RIN3: variants seen among roughly 807,000 people sequenced by gnomAD.
The protein encoded by RIN3 is RAB5 interacting protein 3.
In RIN3, 54 loss-of-function variants were observed where a neutral mutation model predicts 76.3. That is an observed-to-expected ratio of 0.71 (90% CI 0.57 to 0.89). The LOEUF is 0.89. RIN3 is among the 40% of genes least tolerant of loss of function. RIN3 has a pLI of 0.00. For missense variants in RIN3, 1,256 were observed against 1,322.1 expected, an observed-to-expected ratio of 0.95 and a Z score of 0.78; for synonymous variants, 576 against 564.0, an observed-to-expected ratio of 1.02 and a Z score of -0.30.
rs1888963030 is a variant in RIN3 at position 92,688,404 on chromosome 14, C to G, written c.*152C>G. 1.4e-6 allele frequency: 1 copy of G among 732,644 alleles called. No homozygotes were observed. 45.4% of individuals were successfully genotyped at this position (732,644 alleles called of 1,614,324 possible). A position where few individuals can be genotyped will look rare whatever the true frequency, so the allele number is the denominator to read the frequency against. On this transcript the variant is annotated 3_prime_UTR_variant, in exon 10 of 10. Transcript: ENST00000216487. ...CGTCGCAGGACAGTTGTGAAAATAA[C>G]ATGACGCTCGTCCAAGGCCACTTCC...
chr14:92,604,909 C>CTTTT (rs148326639), intron 3 of RIN3, among the ~76,000 whole-genome samples: 60 of 90,066 alleles, frequency 6.7e-4, no homozygotes, highest in East Asian at 1.4e-3. Flanking sequence ...CCATTTTCCT[C>CTTTT]TTTTTTTTTT....
chr14:92,583,570 A>C (rs1439533521), intron 3 of RIN3, among the ~76,000 whole-genome samples: 9 of 152,272 alleles, frequency 5.9e-5, no homozygotes, highest in Non-Finnish European at 1.5e-5. Flanking sequence ...AAAAAAGATG[A>C]AAAATAACAA....
chr14:92,553,558 C>T (rs1446627175), intron 1 of RIN3, among the ~76,000 whole-genome samples: 2 of 152,068 alleles, frequency 1.3e-5, no homozygotes, highest in African/African-American at 4.8e-5. Context: ...CCCCCACCAG[C>T]CCCAGGATTC....
Position 92,555,619 on chromosome 14 carries a change from T to C in RIN3, c.45-132T>C, listed in dbSNP as rs553899777. The C allele has an allele frequency of 2.1e-4, 177 of 835,000 alleles. 1 individual carries two copies. In the African/African-American group the frequency reaches 2.4e-3, roughly 11 times the overall value. 51.7% of individuals were successfully genotyped at this position (835,000 alleles called of 1,614,324 possible). A position where few individuals can be genotyped will look rare whatever the true frequency, so the allele number is the denominator to read the frequency against. On this transcript the variant is annotated intron_variant, in intron 1 of 9. Transcript: ENST00000216487. ...ATGAAGACCATGGTTTGTTGATTTT[T>C]TTTTAATTCCCCAAAGGGCCACTGA... is the stretch of plus-strand genomic sequence containing the variant.
At chr14:92,515,800 CTG>C (rs1896426164) in intron 1 of RIN3, among the ~76,000 whole-genome samples, 1 of 152,244 alleles carries the variant, frequency 6.6e-6, no homozygotes, top group African/African-American at 2.4e-5. Context: ...CTGCTTAGAA[CTG>C]TGCTTGGTAC....
intron 4 of RIN3, among the ~76,000 whole-genome samples, chr14:92,626,205 TG>T (rs1886346566): frequency 6.6e-6 from 1 of 152,190 alleles, no homozygotes; most frequent in African/African-American, 2.4e-5. Context: ...ATTATCCCAT[TG>T]AGGATCTTGG....
rs551049463 is a variant in RIN3 at position 92,552,316 on chromosome 14, G to C, written c.45-3435G>C. Reference sequence around the variant, plus strand: ...GGATGCAGGTGGGGCTGCCGGGCTGGGAAGCAGGTTTATCTCTGTGGATTC... The same window carrying C: ...GGATGCAGGTGGGGCTGCCGGGCTGCGAAGCAGGTTTATCTCTGTGGATTC... On this transcript the variant is annotated intron_variant, in intron 1 of 9. Coordinates refer to ENST00000216487, the MANE Select transcript of RIN3 (RefSeq NM_024832.5). 3.2e-3 allele frequency among the ~76,000 whole-genome samples: 491 copies of C among 152,320 alleles called. 1 individual carries two copies. The highest frequency in any genetic ancestry group is 5.0e-3 in the Non-Finnish European group (339 of 68,020).
At chr14:92,680,350 C>T (rs2140173959) in intron 8 of RIN3, among the ~76,000 whole-genome samples, 1 of 152,230 alleles carries the variant, frequency 6.6e-6, no homozygotes, top group South Asian at 2.1e-4. Flanking sequence ...CAGGCCTGCG[C>T]CATCACACCT....
At chr14:92,552,509 C>T (rs1289238686) in intron 1 of RIN3, among the ~76,000 whole-genome samples, 3 of 152,152 alleles carry the variant, frequency 2.0e-5, no homozygotes, top group African/African-American at 7.2e-5. Context: ...CTCCCTGTGG[C>T]TCCAGATGCT....
At chr14:92,537,963 A>G (rs902326184) in intron 1 of RIN3, among the ~76,000 whole-genome samples, 1 of 151,928 alleles carries the variant, frequency 6.6e-6, no homozygotes, top group Admixed American at 6.6e-5. Context: ...CAGCCCCCCA[A>G]GTAGCTGGGA....
At chr14:92,644,759 G>C (rs1413505580) in intron 5 of RIN3, 1 of 152,218 alleles carries the variant, frequency 6.6e-6, no homozygotes, top group East Asian at 1.9e-4. Flanking sequence ...GGAGACCCAG[G>C]GCGCAAGGAG....
chr14:92,521,029 C>T (rs976597929), intron 1 of RIN3, among the ~76,000 whole-genome samples: 13 of 152,156 alleles, frequency 8.5e-5, no homozygotes, highest in Non-Finnish European at 1.5e-4. Context: ...GGACTCTTCT[C>T]GCAATGGATA....
At position 92,632,165 on chromosome 14, in the gene RIN3, T is replaced by A. The variant is rs555961841; in HGVS notation, c.441-9073T>A. On this transcript the variant is annotated intron_variant, in intron 4 of 9. Transcript: ENST00000216487. ...ACCTGGGGCCACTCCTAGGCATGTGTGAGGCTCCAGCACCAGGACAATCCC... is the reference window on the plus strand; with the variant it reads ...ACCTGGGGCCACTCCTAGGCATGTGAGAGGCTCCAGCACCAGGACAATCCC... Among the ~76,000 whole-genome samples the A allele has an allele frequency of 2.6e-5, 4 of 152,240 alleles. No homozygotes were observed. The East Asian group carries it at 7.7e-4, about 29-fold the overall frequency.
rs60914338 is a variant in RIN3 at position 92,621,784 on chromosome 14, A to G, written c.440+6305A>G. The stretch of plus-strand genomic sequence containing the variant: ...TTCTGCCAGTTTTGGTAGACAACAT[A>G]TAACAGTAAGTGTACATACAAATAA... On this transcript the variant is annotated intron_variant, in intron 4 of 9. Transcript: ENST00000216487. Among the ~76,000 whole-genome samples, 788 of 152,364 alleles carry G rather than the reference A, an allele frequency of 5.2e-3. 8 individuals are homozygous for G. The highest frequency in any genetic ancestry group is 0.018 in the African/African-American group (755 of 41,584).
At chr14:92,676,641 C>T in intron 8 of RIN3, 35 bp downstream of exon 8, 2 of 1,605,248 alleles carry the variant, frequency 1.2e-6, no homozygotes, top group Non-Finnish European at 8.5e-7. Flanking sequence ...AGGTGCATTG[C>T]ACACCCCCAA....
At position 92,688,301 on chromosome 14, in the gene RIN3, G is replaced by A. The variant is rs759692898; in HGVS notation, c.*49G>A. 2.7e-5 allele frequency: 39 copies of A among 1,461,430 alleles called. No individual in the cohort carries two copies. The highest frequency in any genetic ancestry group is 3.4e-5 in the Non-Finnish European group (37 of 1,102,994). The allele number at this position is 1,461,430 out of a possible 1,614,324, so 90.5% of individuals were successfully genotyped here. ...CACCCCCAGGCGCACGTCTGGCCCC[G>A]CCTCTGGCTGCGCACTCCCGACCGC... On this transcript the variant is annotated 3_prime_UTR_variant, in exon 10 of 10. Coordinates refer to ENST00000216487, the MANE Select transcript of RIN3 (RefSeq NM_024832.5).
At chr14:92,557,810 G>A (rs1386209297) in intron 2 of RIN3, among the ~76,000 whole-genome samples, 1 of 152,234 alleles carries the variant, frequency 6.6e-6, no homozygotes, top group Non-Finnish European at 1.5e-5. Flanking sequence ...AGGTTCTCAG[G>A]AATGAGCTTC....
chr14:92,533,803 G>C (rs575074429), intron 1 of RIN3, among the ~76,000 whole-genome samples: 5 of 152,262 alleles, frequency 3.3e-5, no homozygotes, highest in African/African-American at 1.2e-4. Flanking sequence ...CAAAATCTCA[G>C]AAATCACCAC....
At chr14:92,516,005 G>A (rs1197560339) in intron 1 of RIN3, among the ~76,000 whole-genome samples, 2 of 152,154 alleles carry the variant, frequency 1.3e-5, no homozygotes, top group Non-Finnish European at 2.9e-5. Context: ...GAACTGTGCG[G>A]AGTCTGCTGA....
Sources: gnomAD v4.1 joint callset for allele counts (sites outside exome capture counted in the v4.1 genomes callset) on GRCh38, gnomAD v4.1.1 for gene constraint, MANE v1.5 for transcripts, NCBI Gene and HGNC (gene_info 2026-07-23, HGNC 2026-07-21) for gene names.